The following ACAD11 variants were observed in gnomAD, a reference collection of about 807,000 sequenced individuals.
ACAD11 encodes the protein acyl-CoA dehydrogenase family member 11, also known as acyl-Coenzyme A dehydrogenase family, member 11.
In ACAD11, 83 loss-of-function variants were observed where a neutral mutation model predicts 102.2. The ratio of observed to expected loss-of-function variants is 0.81; its 90% CI spans 0.68 to 0.97. The LOEUF is 0.97. Ranked by LOEUF, ACAD11 falls within the 50% of genes least tolerant of loss-of-function variation. The probability of loss-of-function intolerance (pLI) is 0.00; values close to 1 mark genes in which losing one functional copy is unlikely to be tolerated. For synonymous variants in ACAD11, 324 were observed against 319.8 expected (o/e 1.01, Z -0.14); for missense variants, 901 against 951.7 (o/e 0.95, Z 0.70).
rs141210927 is a variant in ACAD11, at chr3:132,586,427, C to T, written c.1622-6869G>A. On this transcript the variant is annotated intron_variant, in intron 13 of 19. Transcript: ENST00000264990. Reference sequence around the variant, plus strand: ...TAATGGGTGCAGCACACCAACATGGCACATGTATACATATGTAACAAACCT... The same window carrying T: ...TAATGGGTGCAGCACACCAACATGGTACATGTATACATATGTAACAAACCT... Among the ~76,000 whole-genome samples, 8 of 151,950 alleles carry T rather than the reference C, an allele frequency of 5.3e-5. No individual in the cohort carries two copies. In the East Asian group the frequency reaches 1.6e-3, roughly 29 times the overall value.
At chr3:132,658,625 C>G (rs531626809) in intron 1 of ACAD11, among the ~76,000 whole-genome samples, 1 of 152,184 alleles carries the variant, frequency 6.6e-6, no homozygotes, top group East Asian at 1.9e-4. Context: ...CTCAGCTATT[C>G]TTTATTCCAC....
At chr3:132,658,813 GC>G (rs1013174579) in intron 1 of ACAD11, among the ~76,000 whole-genome samples, 2 of 151,984 alleles carry the variant, frequency 1.3e-5, no homozygotes, top group Non-Finnish European at 2.9e-5. Flanking sequence ...CAATTTTTAC[GC>G]CCTTTCACCT....
intron 5 of ACAD11, among the ~76,000 whole-genome samples, chr3:132,632,241 G>T (rs1308089497): frequency 1.3e-5 from 2 of 151,972 alleles, no homozygotes; most frequent in African/African-American, 4.8e-5. Flanking sequence ...TCGCCACCAC[G>T]CCCGGCTAAT....
intron 9 of ACAD11, among the ~76,000 whole-genome samples, chr3:132,623,216 A>G (rs1489370294): frequency 2.6e-5 from 4 of 152,214 alleles, no homozygotes; most frequent in African/African-American, 9.6e-5. Flanking sequence ...ATATCTAAAA[A>G]TATAAAGAAA....
At chr3:132,573,442 G>A (rs1277560544) in intron 17 of ACAD11, among the ~76,000 whole-genome samples, 1 of 151,640 alleles carries the variant, frequency 6.6e-6, no homozygotes, top group African/African-American at 2.4e-5. Flanking sequence ...TGATATATTG[G>A]GTTAAATAAA....
chr3:132,629,352 G>T (rs1576604409), intron 7 of ACAD11, among the ~76,000 whole-genome samples: 1 of 152,098 alleles, frequency 6.6e-6, no homozygotes, highest in Non-Finnish European at 1.5e-5. Context: ...TAGATACGGG[G>T]TTTCACCATG....
At chr3:132,592,025 A>G (rs1938103689) in intron 13 of ACAD11, among the ~76,000 whole-genome samples, 2 of 152,176 alleles carry the variant, frequency 1.3e-5, no homozygotes, top group African/African-American at 2.4e-5. Flanking sequence ...CCTCAATCTT[A>G]TATGGAGAAC....
intron 13 of ACAD11, among the ~76,000 whole-genome samples, chr3:132,591,258 G>A (rs1207213139): frequency 1.3e-5 from 2 of 152,194 alleles, no homozygotes; most frequent in Admixed American, 1.3e-4. Context: ...CTATAGAATA[G>A]GGAGTCTTTT....
At chr3:132,571,799 CAA>C (rs1373503653) in intron 17 of ACAD11, among the ~76,000 whole-genome samples, 1 of 152,088 alleles carries the variant, frequency 6.6e-6, no homozygotes, top group Non-Finnish European at 1.5e-5. Flanking sequence ...GAACTAAAGA[CAA>C]AAACCACTTG....
At chr3:132,572,646 C>T (rs1158382914) in intron 17 of ACAD11, among the ~76,000 whole-genome samples, 2 of 152,190 alleles carry the variant, frequency 1.3e-5, no homozygotes, top group Non-Finnish European at 2.9e-5. Flanking sequence ...TCAAACTATA[C>T]TACAAGGCTA....
Position 132,613,831 on chromosome 3 carries a change from G to A in ACAD11, c.1414+4803C>T, listed in dbSNP as rs147162285. Among the ~76,000 whole-genome samples the A allele has an allele frequency of 4.1e-3, 619 of 152,048 alleles. 5 individuals are homozygous for A. Among genetic ancestry groups the A allele is most frequent in the Non-Finnish European group, 4.4e-3 (300 of 68,008 alleles). ...GGAGAATTGCTTGGGCCTGGGAGGC[G>A]GAGGTTGCAGTGAGCCAAGATTGCA... is the stretch of plus-strand genomic sequence containing the variant. On this transcript the variant is annotated intron_variant, in intron 11 of 19. Coordinates refer to ENST00000264990, the MANE Select transcript of ACAD11 (RefSeq NM_032169.5).
At position 132,639,655 on chromosome 3, in the gene ACAD11, A is replaced by T. The variant is rs1218491921; in HGVS notation, c.539T>A (p.Val180Glu). ...TTGATATTGCTTTGTCCAGGTTGAT[A>T]CCTAAAGACATATAAATAAGAAAAA... Reference protein sequence around the residue: ...GIGAGYCKRQVSTWTKQYQAA... With the variant: ...GIGAGYCKRQESTWTKQYQAA... The change falls in exon 5 of 20, where the codon GTA becomes GAA. Residue 180 changes from valine to glutamate, a missense_variant and splice_region_variant. Transcript: ENST00000264990. The T allele has an allele frequency of 6.2e-7, 1 of 1,606,580 alleles. No homozygotes were observed. The highest frequency in any genetic ancestry group is 8.5e-7 in the Non-Finnish European group (1 of 1,177,888).
chr3:132,638,655 C>T (rs1325637334), intron 5 of ACAD11, among the ~76,000 whole-genome samples: 1 of 152,114 alleles, frequency 6.6e-6, no homozygotes, highest in African/African-American at 2.4e-5. Context: ...ATTATGTAGA[C>T]TCGACTAAAA....
intron 2 of ACAD11, among the ~76,000 whole-genome samples, chr3:132,643,309 G>T (rs1940594097): frequency 6.6e-6 from 1 of 152,208 alleles, no homozygotes; most frequent in African/African-American, 2.4e-5. Flanking sequence ...TGTTTCCAGG[G>T]CAGGGGCATG....
At chr3:132,599,274 G>A (rs1342224667) in intron 13 of ACAD11, among the ~76,000 whole-genome samples, 1 of 152,148 alleles carries the variant, frequency 6.6e-6, no homozygotes, top group Non-Finnish European at 1.5e-5. Flanking sequence ...TTGGGAGGCC[G>A]AGGCAGGTGG....
intron 1 of ACAD11, among the ~76,000 whole-genome samples, chr3:132,657,121 ATAGTTT>A (rs1167905402): frequency 1.3e-5 from 2 of 152,196 alleles, no homozygotes; most frequent in Non-Finnish European, 2.9e-5. Context: ...CCAAACATTT[ATAGTTT>A]AACATTCAGT....
chr3:132,596,493 C>T (rs1399133527), intron 13 of ACAD11, among the ~76,000 whole-genome samples: 1 of 152,026 alleles, frequency 6.6e-6, no homozygotes, highest in Non-Finnish European at 1.5e-5. Context: ...CAGGTGGAGA[C>T]TGAGCCTGGC....
intron 17 of ACAD11, among the ~76,000 whole-genome samples, chr3:132,568,464 T>G (rs1403693574): frequency 2.6e-5 from 4 of 152,132 alleles, no homozygotes; most frequent in Non-Finnish European, 4.4e-5. Flanking sequence ...AGTAAAGATA[T>G]CAATTTTTCT....
At chr3:132,586,376 G>T (rs533195028) in intron 13 of ACAD11, among the ~76,000 whole-genome samples, 28 of 152,034 alleles carry the variant, frequency 1.8e-4, no homozygotes, top group Non-Finnish European at 3.7e-4. Context: ...AGCATTAGGA[G>T]ATATACCTAA....
Sources: allele counts gnomAD v4.1 joint callset (sites outside exome capture counted in the v4.1 genomes callset), GRCh38; gene constraint gnomAD v4.1.1; transcripts MANE v1.5; gene names NCBI Gene and HGNC (gene_info 2026-07-23, HGNC 2026-07-21).